Variants in CNTNAP2 observed in about 807,000 individuals in gnomAD.
The protein encoded by CNTNAP2 is contactin-associated protein-like 2.
In CNTNAP2, 98 loss-of-function variants were observed where a neutral mutation model predicts 155.2. That is an observed-to-expected ratio of 0.63 (90% confidence interval 0.54 to 0.75). The LOEUF is 0.75. CNTNAP2 is among the 30% of genes least tolerant of loss of function. The pLI, the probability that CNTNAP2 is intolerant of heterozygous loss-of-function variation, is 0.00. For missense variants in CNTNAP2, 1,727 were observed against 1,688.1 expected, an observed-to-expected ratio of 1.02 and a Z score of -0.40; for synonymous variants, 651 against 631.2, an observed-to-expected ratio of 1.03 and a Z score of -0.47.
intron 2 of CNTNAP2, among the ~76,000 whole-genome samples, chr7:146,793,583 T>G (rs1211033535): frequency 6.6e-6 from 1 of 152,242 alleles, no homozygotes; most frequent in Non-Finnish European, 1.5e-5. Context: ...GGCAGTCTCA[T>G]TTTATCAGGA....
intron 13 of CNTNAP2, among the ~76,000 whole-genome samples, chr7:147,796,274 G>A (rs1218487624): frequency 6.6e-6 from 1 of 152,106 alleles, no homozygotes; most frequent in Non-Finnish European, 1.5e-5. Context: ...AGTGGCTTAT[G>A]TACTATAACA....
At chr7:146,196,139 C>T (rs1006947341) in intron 1 of CNTNAP2, among the ~76,000 whole-genome samples, 4 of 152,176 alleles carry the variant, frequency 2.6e-5, no homozygotes, top group African/African-American at 4.8e-5. Context: ...TGCACAATTA[C>T]ATTTGAGTGC....
chr7:148,043,256 T>A lies in CNTNAP2; in HGVS notation c.2383+65267T>A, dbSNP rs374540781. Among the ~76,000 whole-genome samples the A allele has an allele frequency of 5.9e-5, 9 of 152,306 alleles. No individual in the cohort carries two copies. In the East Asian group the frequency reaches 1.5e-3, roughly 26 times the overall value. ...CAATTACCCCCAGGAAGGCAAATAA[T>A]CAGTACACCTCTGATTCTCTTATTA... On this transcript the variant is annotated intron_variant, in intron 15 of 23. Coordinates refer to ENST00000361727, the MANE Select transcript of CNTNAP2 (RefSeq NM_014141.6).
intron 1 of CNTNAP2, among the ~76,000 whole-genome samples, chr7:146,352,852 T>C (rs1055529891): frequency 3.4e-5 from 5 of 145,860 alleles, no homozygotes; most frequent in African/African-American, 1.3e-4. Context: ...CCTCCCGGGT[T>C]CACGCCATTC....
At chr7:147,459,619 C>T (rs1797982138) in intron 10 of CNTNAP2, among the ~76,000 whole-genome samples, 1 of 152,074 alleles carries the variant, frequency 6.6e-6, no homozygotes, top group Non-Finnish European at 1.5e-5. Context: ...GAAGATGCTA[C>T]GTTGCTGGCT....
At chr7:147,128,332 T>C (rs1415695316) in intron 6 of CNTNAP2, among the ~76,000 whole-genome samples, 5 of 152,218 alleles carry the variant, frequency 3.3e-5, no homozygotes, top group Non-Finnish European at 7.4e-5. Context: ...ATTGATAGTA[T>C]GTCTTTGAAT....
intron 20 of CNTNAP2, among the ~76,000 whole-genome samples, chr7:148,252,995 G>T (rs1218935251): frequency 7.3e-6 from 1 of 137,848 alleles, no homozygotes; most frequent in Admixed American, 7.6e-5. Context: ...CAGAATAACA[G>T]AGATAGATAG....
chr7:146,690,738 TACATC>T lies in CNTNAP2; in HGVS notation c.98-83531_98-83527del, dbSNP rs1329502044. The stretch of plus-strand genomic sequence containing the variant: ...ATAAATTATTTAGGAAAGGGGAAAA[TACATC>T]ATGATAATTTTTGAAAGAAAAAAGC... On this transcript the variant is annotated intron_variant, in intron 1 of 23. Transcript: ENST00000361727. 3.9e-5 allele frequency among the ~76,000 whole-genome samples: 6 copies of T among 152,254 alleles called. No homozygotes were observed. The East Asian group carries it at 1.2e-3, about 29-fold the overall frequency.
chr7:148,343,747 C>T (rs770492786), intron 21 of CNTNAP2, among the ~76,000 whole-genome samples: 1 of 152,210 alleles, frequency 6.6e-6, no homozygotes, highest in Non-Finnish European at 1.5e-5. Flanking sequence ...TGACAAAATT[C>T]TGGACTAGAT....
At chr7:147,348,469 G>T (rs951274802) in intron 9 of CNTNAP2, among the ~76,000 whole-genome samples, 2 of 151,798 alleles carry the variant, frequency 1.3e-5, no homozygotes, top group African/African-American at 2.4e-5. Flanking sequence ...TCAGTAGGAG[G>T]CTATTATCAA....
At chr7:146,603,299 C>G (rs1461606352) in intron 1 of CNTNAP2, among the ~76,000 whole-genome samples, 2 of 150,664 alleles carry the variant, frequency 1.3e-5, no homozygotes. Context: ...GTAGTCCCAG[C>G]TACTCGAAAG....
intron 23 of CNTNAP2, among the ~76,000 whole-genome samples, chr7:148,413,926 C>T (rs1173253012): frequency 6.6e-6 from 1 of 151,854 alleles, no homozygotes. Flanking sequence ...TACTGTTGAC[C>T]TGTATTTAAA....
At chr7:146,170,035 T>C (rs1187699373) in intron 1 of CNTNAP2, among the ~76,000 whole-genome samples, 1 of 149,142 alleles carries the variant, frequency 6.7e-6, no homozygotes, top group African/African-American at 2.5e-5. Context: ...TTTTTTTTTT[T>C]GGAGTGGGGT....
intron 13 of CNTNAP2, among the ~76,000 whole-genome samples, chr7:147,890,362 CAAAG>C (rs537488837): frequency 2.6e-5 from 4 of 152,102 alleles, no homozygotes; most frequent in Non-Finnish European, 4.4e-5. Context: ...AGATATTAGA[CAAAG>C]AAGGGAATTC....
chr7:148,295,105 C>T (rs1230555651), intron 21 of CNTNAP2, among the ~76,000 whole-genome samples: 1 of 152,066 alleles, frequency 6.6e-6, no homozygotes, highest in Admixed American at 6.6e-5. Flanking sequence ...TTTAAAAATC[C>T]ATTACCTTTT....
rs1453410390 is a variant in CNTNAP2 at position 146,167,930 on chromosome 7, TCCCCTGGCAAA to T, written c.97+50960_97+50970del. On this transcript the variant is annotated intron_variant, in intron 1 of 23. Transcript: ENST00000361727. The stretch of plus-strand genomic sequence containing the variant: ...CAGTCTGTGGCTGAAGGCCCGAGAT[TCCCCTGGCAAA>T]CCACTGGTGTTTCAGTCCAAGAGTT... 2.6e-5 allele frequency among the ~76,000 whole-genome samples: 4 copies of T among 152,114 alleles called. No homozygotes were observed. In the East Asian group the frequency reaches 7.7e-4, roughly 29 times the overall value.
At chr7:146,418,744 G>T (rs1795970904) in intron 1 of CNTNAP2, among the ~76,000 whole-genome samples, 1 of 152,132 alleles carries the variant, frequency 6.6e-6, no homozygotes. Context: ...GATTTGAATT[G>T]TGTCCTCCTG....
chr7:147,621,369 T>C (rs1158449112), intron 12 of CNTNAP2, among the ~76,000 whole-genome samples: 1 of 128,084 alleles, frequency 7.8e-6, no homozygotes, highest in Non-Finnish European at 1.5e-5. Context: ...TGTAAACTAC[T>C]TCATCCTAAG....
chr7:147,534,698 A>G (rs1799509024), intron 11 of CNTNAP2, among the ~76,000 whole-genome samples: 1 of 152,192 alleles, frequency 6.6e-6, no homozygotes, highest in South Asian at 2.1e-4. Context: ...AAGAACTAGG[A>G]ATCAAAATTT....
Sources: allele counts gnomAD v4.1 joint callset (sites outside exome capture counted in the v4.1 genomes callset), GRCh38; gene constraint gnomAD v4.1.1; transcripts MANE v1.5; gene names NCBI Gene and HGNC (gene_info 2026-07-23, HGNC 2026-07-21).